NTM: variants seen among roughly 807,000 people sequenced by gnomAD.
The protein encoded by NTM is IgLON family member 2.
A neutral mutation model predicts 42.1 loss-of-function variants in NTM; 13 were observed. The ratio of observed to expected loss-of-function variants is 0.31; its 90% CI spans 0.20 to 0.49. The LOEUF (loss-of-function observed/expected upper bound fraction) is 0.49, where lower values mean the gene tolerates loss of function less well. Among genes scored for constraint, NTM ranks in the 20% least tolerant of loss-of-function variants. The probability of loss-of-function intolerance (pLI) is 0.99; values close to 1 mark genes in which losing one functional copy is unlikely to be tolerated. For synonymous variants in NTM, 187 were observed against 179.2 expected, an observed-to-expected ratio of 1.04 and a Z score of -0.35; for missense variants, 373 against 452.8, an observed-to-expected ratio of 0.82 and a Z score of 1.60.
chr11:132,016,261 G>C (rs1022900794), intron 2 of NTM, among the ~76,000 whole-genome samples: 3 of 151,668 alleles, frequency 2.0e-5, no homozygotes, highest in Non-Finnish European at 4.4e-5. Context: ...TGAATGTATA[G>C]AGTTGTGTAA....
intron 1 of NTM, among the ~76,000 whole-genome samples, chr11:131,722,272 A>C (rs2078452641): frequency 6.6e-6 from 1 of 152,146 alleles, no homozygotes; most frequent in Non-Finnish European, 1.5e-5. Flanking sequence ...CACTACACTT[A>C]GATAGGGGAC....
chr11:132,144,957 A>G (rs1412576971), intron 2 of NTM, among the ~76,000 whole-genome samples: 1 of 152,244 alleles, frequency 6.6e-6, no homozygotes, highest in Non-Finnish European at 1.5e-5. Context: ...GAAAGGATGC[A>G]CAGTACAGGA....
chr11:132,189,763 A>G (rs536853473), intron 3 of NTM, among the ~76,000 whole-genome samples: 1 of 152,346 alleles, frequency 6.6e-6, no homozygotes, highest in South Asian at 2.1e-4. Context: ...AACCTTTGCC[A>G]GAAATATGTC....
intron 2 of NTM, among the ~76,000 whole-genome samples, chr11:132,133,783 A>G (rs2067243392): frequency 6.6e-6 from 1 of 152,058 alleles, no homozygotes; most frequent in Admixed American, 6.6e-5. Flanking sequence ...TGCCCCCATT[A>G]TCTCTTCACC....
intron 1 of NTM, among the ~76,000 whole-genome samples, chr11:131,726,433 A>G (rs931523477): frequency 6.8e-6 from 1 of 146,250 alleles, no homozygotes; most frequent in Non-Finnish European, 1.5e-5. Context: ...AATGGCATCT[A>G]GAGACACCAG....
intron 1 of NTM, among the ~76,000 whole-genome samples, chr11:131,434,956 T>G (rs961483987): frequency 3.3e-5 from 5 of 152,236 alleles, no homozygotes; most frequent in Admixed American, 2.0e-4. Flanking sequence ...CATCTTGAAT[T>G]TATTTTTGTC....
intron 1 of NTM, among the ~76,000 whole-genome samples, chr11:131,399,521 G>A (rs1487815324): frequency 6.6e-6 from 1 of 152,132 alleles, no homozygotes; most frequent in Non-Finnish European, 1.5e-5. Context: ...TTTCACAGAT[G>A]AGGAGACTGA....
chr11:131,435,791 C>T (rs557269001), intron 1 of NTM, among the ~76,000 whole-genome samples: 1 of 152,250 alleles, frequency 6.6e-6, no homozygotes, highest in East Asian at 1.9e-4. Context: ...TTTCTCTTGC[C>T]TGATTGCCCT....
chr11:131,599,311 T>TGTCTACCCAGTCTCCAGCAGATGCCCC (rs1565687932), intron 1 of NTM, among the ~76,000 whole-genome samples: 8 of 54,710 alleles, frequency 1.5e-4, no homozygotes, highest in African/African-American at 2.7e-4. Flanking sequence ...GCAGATGCCC[T>TGTCTACCCAGTCTCCAGCAGATGCCCC]GTCTACCCAG....
In NTM at chr11:132,202,373, C is replaced by A. The variant is rs141451849; in HGVS notation, c.401-9649C>A. Among the ~76,000 whole-genome samples the A allele has an allele frequency of 3.3e-4, 51 of 152,240 alleles. No homozygotes were observed. The East Asian group carries it at 9.3e-3, about 28-fold the overall frequency. On this transcript the variant is annotated intron_variant, in intron 3 of 8. Transcript: ENST00000683400. ...CTTCCCACCCCATCTATCCTCCCTT[C>A]GTGAACTGGTCCCTAAAGAGAGAGG... is the stretch of plus-strand genomic sequence containing the variant.
At chr11:132,070,648 C>T (rs376458983) in intron 2 of NTM, among the ~76,000 whole-genome samples, 5 of 116,440 alleles carry the variant, frequency 4.3e-5, no homozygotes, top group East Asian at 2.7e-4. Flanking sequence ...AAACTGACCA[C>T]CACAGGTTAG....
intron 1 of NTM, among the ~76,000 whole-genome samples, chr11:131,438,067 G>C (rs1017933986): frequency 1.3e-4 from 20 of 152,160 alleles, no homozygotes; most frequent in Non-Finnish European, 2.5e-4. Flanking sequence ...ATATGAAATT[G>C]TGGGTTGAAA....
intron 1 of NTM, among the ~76,000 whole-genome samples, chr11:131,789,609 A>AAGCAT (rs2090401401): frequency 1.2e-5 from 1 of 85,822 alleles, no homozygotes; most frequent in Non-Finnish European, 2.3e-5. Context: ...AAGAAGAAGA[A>AAGCAT]GAAGAAGAAG....
At chr11:132,236,508 A>G (rs1334059668) in intron 4 of NTM, among the ~76,000 whole-genome samples, 1 of 152,204 alleles carries the variant, frequency 6.6e-6, no homozygotes, top group Admixed American at 6.5e-5. Flanking sequence ...CGGCATAACT[A>G]TTCCACATCC....
chr11:131,593,204 A>G (rs542092352), intron 1 of NTM, among the ~76,000 whole-genome samples: 439 of 151,344 alleles, frequency 2.9e-3, no homozygotes, highest in Non-Finnish European at 5.4e-3. Context: ...CCATCCCTAC[A>G]CCTCTCCTTC....
chr11:132,310,229 A>AAAGGT lies in NTM; in HGVS notation c.782_782+4dup. The stretch of plus-strand genomic sequence containing the variant: ...GAATTCCAGTGGTACAAGGATGACA[A>AAAGGT]AAGGTAAAGCTTCCTTCTTTCCTAT... On this transcript the variant is annotated frameshift_variant, in exon 6 of 9. Coordinates refer to ENST00000683400, the MANE Select transcript of NTM (RefSeq NM_001352005.2). LOFTEE classifies it high-confidence loss of function. The AAAGGT allele has an allele frequency of 6.3e-7, 1 of 1,598,070 alleles. No individual in the cohort carries two copies. Among genetic ancestry groups the AAAGGT allele is most frequent in the Non-Finnish European group, 8.5e-7 (1 of 1,174,646 alleles).
At chr11:132,141,292 CTCTTTT>C (rs2069097681) in intron 2 of NTM, among the ~76,000 whole-genome samples, 1 of 151,828 alleles carries the variant, frequency 6.6e-6, no homozygotes, top group South Asian at 2.1e-4. Flanking sequence ...ATCTCTCTTT[CTCTTTT>C]CTCATCCTAA....
chr11:131,617,852 G>A (rs1396817241), intron 1 of NTM, among the ~76,000 whole-genome samples: 3 of 152,150 alleles, frequency 2.0e-5, no homozygotes, highest in Non-Finnish European at 4.4e-5. Context: ...GATGATAGGG[G>A]TGAATCTAGA....
At chr11:132,065,501 A>T (rs2056340295) in intron 2 of NTM, among the ~76,000 whole-genome samples, 1 of 152,086 alleles carries the variant, frequency 6.6e-6, no homozygotes, top group African/African-American at 2.4e-5. Context: ...ATGATTGTTC[A>T]TATCTTTCTA....
Sources: allele counts gnomAD v4.1 joint callset (sites outside exome capture counted in the v4.1 genomes callset), GRCh38; gene constraint gnomAD v4.1.1; transcripts MANE v1.5; gene names NCBI Gene and HGNC (gene_info 2026-07-23, HGNC 2026-07-21).